Variants in ST6GALNAC2 observed in about 807,000 individuals in gnomAD.
The protein encoded by ST6GALNAC2 is ST6 N-acetylgalactosaminide alpha-2,6-sialyltransferase 2.
A neutral mutation model predicts 38.7 loss-of-function variants in ST6GALNAC2; 42 were observed. The ratio of observed to expected loss-of-function variants is 1.09; its 90% CI spans 0.85 to 1.40. The LOEUF (loss-of-function observed/expected upper bound fraction) is 1.40, where lower values mean the gene tolerates loss of function less well. ST6GALNAC2 is among the 40% of genes most tolerant of loss of function. ST6GALNAC2 has a pLI of 0.00. For missense variants in ST6GALNAC2, 506 were observed against 481.7 expected (o/e 1.05, Z -0.47); for synonymous variants, 233 against 209.0 (o/e 1.11, Z -0.99).
rs2075266769 is a variant in ST6GALNAC2 at position 76,565,452 on chromosome 17, T to TC, written c.*651dup. On this transcript the variant is annotated 3_prime_UTR_variant, in exon 9 of 9. Transcript: ENST00000225276. ...GTGGTGATACATCTCTAATGGGACT[T>TC]CCCTCAGTGGCAGGCAGGCTGCCAA... The TC allele has an allele frequency of 7.4e-6, 1 of 134,658 alleles. No individual in the cohort carries two copies. Among genetic ancestry groups the TC allele is most frequent in the Non-Finnish European group, 1.7e-5 (1 of 60,038 alleles). 8.3% of individuals were successfully genotyped at this position (134,658 alleles called of 1,614,324 possible).
chr17:76,581,285 C>T (rs565827106), intron 1 of ST6GALNAC2, among the ~76,000 whole-genome samples: 5 of 152,118 alleles, frequency 3.3e-5, no homozygotes, highest in Admixed American at 6.5e-5. Context: ...CACAATATGA[C>T]CCCCTCTGGG....
chr17:76,565,933 G>T lies in ST6GALNAC2; in HGVS notation c.*171C>A. On this transcript the variant is annotated 3_prime_UTR_variant, in exon 9 of 9. Transcript: ENST00000225276. ...CAGAAGAGTTCTTGGATGAGCCAAG[G>T]ACAAGCTGGGGTGTCCTATATTGAA... 1 of 637,860 alleles carries T rather than the reference G, an allele frequency of 1.6e-6. No homozygotes were observed. The allele number at this position is 637,860 out of a possible 1,614,324, so 39.5% of individuals were successfully genotyped here.
chr17:76,569,443 G>T, intron 6 of ST6GALNAC2: 1 of 383,538 alleles, frequency 2.6e-6, no homozygotes, highest in Non-Finnish European at 4.6e-6. Context: ...TTGGACCTGA[G>T]GACTGGGGTT....
At position 76,585,838 on chromosome 17, in the gene ST6GALNAC2, CT is replaced by C. The variant is rs761977161; in HGVS notation, c.-31del. On this transcript the variant is annotated 5_prime_UTR_variant, in exon 1 of 9. Transcript: ENST00000225276. ...CCCCGGCCCGCGAGCGCCCCGTCCGCTGACGTCCCAGGCAGAAGGGAGAGAA... is the reference window on the plus strand; with the variant it reads ...CCCCGGCCCGCGAGCGCCCCGTCCGCGACGTCCCAGGCAGAAGGGAGAGAA... 2 of 1,517,170 alleles carry C rather than the reference CT, an allele frequency of 1.3e-6. No individual in the cohort carries two copies. Among genetic ancestry groups the C allele is most frequent in the South Asian group, 2.4e-5 (2 of 81,650 alleles). The allele number at this position is 1,517,170 out of a possible 1,614,324, so 94.0% of individuals were successfully genotyped here. A position where few individuals can be genotyped will look rare whatever the true frequency, so the allele number is the denominator to read the frequency against.
intron 2 of ST6GALNAC2, among the ~76,000 whole-genome samples, 168 bp from the exon 3 acceptor site, chr17:76,574,707 C>T (rs1227693411): frequency 2.6e-5 from 4 of 151,294 alleles, no homozygotes; most frequent in Non-Finnish European, 4.4e-5. Flanking sequence ...GACAGAGTCT[C>T]GCTCTGTCGC....
At position 76,582,164 on chromosome 17, in the gene ST6GALNAC2, CTTTTTTTTTTTT is replaced by C. The variant is rs71158025; in HGVS notation, c.126-3360_126-3349del. Among the ~76,000 whole-genome samples the C allele has an allele frequency of 6.4e-5, 4 of 62,046 alleles. No homozygotes were observed. In the East Asian group the frequency reaches 1.5e-3, roughly 24 times the overall value. 40.7% of individuals were successfully genotyped at this position (62,046 alleles called of 152,430 possible). ...ACAAGCGTGAGCCACCGTGCCCAGC[CTTTTTTTTTTTT>C]TTTTTTTTTTTTTGAGACAGGGTCT... On this transcript the variant is annotated intron_variant, in intron 1 of 8. Transcript: ENST00000225276.
intron 7 of ST6GALNAC2, chr17:76,568,445 C>T: frequency 2.1e-6 from 1 of 478,472 alleles, no homozygotes; most frequent in Non-Finnish European, 3.8e-6. Flanking sequence ...GTCCCAGCTC[C>T]CAGTCTGTGC....
intron 5 of ST6GALNAC2, chr17:76,571,242 C>T (rs952367031): frequency 6.5e-6 from 1 of 153,636 alleles, no homozygotes; most frequent in African/African-American, 2.4e-5. Flanking sequence ...TTAAAGCCAC[C>T]AAGTTTTGAG....
chr17:76,585,818 G>T lies in ST6GALNAC2; in HGVS notation c.-10C>A. On this transcript the variant is annotated 5_prime_UTR_variant, in exon 1 of 9. Transcript: ENST00000225276. Reference sequence around the variant, plus strand: ...CGCGCGGGAGCCCCATACAGCCCCGGCCCGCGAGCGCCCCGTCCGCTGACG... The same window carrying T: ...CGCGCGGGAGCCCCATACAGCCCCGTCCCGCGAGCGCCCCGTCCGCTGACG... 1 of 1,531,360 alleles carries T rather than the reference G, an allele frequency of 6.5e-7. No individual in the cohort carries two copies. Among genetic ancestry groups the T allele is most frequent in the Non-Finnish European group, 8.8e-7 (1 of 1,141,822 alleles). 94.9% of individuals were successfully genotyped at this position (1,531,360 alleles called of 1,614,324 possible). A position where few individuals can be genotyped will look rare whatever the true frequency, so the allele number is the denominator to read the frequency against.
intron 2 of ST6GALNAC2, among the ~76,000 whole-genome samples, chr17:76,575,006 C>T (rs1226025223): frequency 2.0e-5 from 3 of 152,122 alleles, no homozygotes; most frequent in African/African-American, 7.2e-5. Context: ...GAGCTGGCAG[C>T]TAGGGGGTCT....
intron 2 of ST6GALNAC2, among the ~76,000 whole-genome samples, chr17:76,577,234 T>C (rs984008142): frequency 1.3e-5 from 2 of 151,152 alleles, no homozygotes; most frequent in Non-Finnish European, 2.9e-5. Flanking sequence ...GCCTGGCTAA[T>C]TTTTTGTATT....
chr17:76,572,726 T>C lies in ST6GALNAC2; in HGVS notation c.580A>G (p.Thr194Ala). The C allele has an allele frequency of 1.2e-6, 2 of 1,614,106 alleles. No individual in the cohort carries two copies. Among genetic ancestry groups the C allele is most frequent in the East Asian group, 2.2e-5 (1 of 44,874 alleles). Residue 194 changes from threonine to alanine, a missense_variant, in exon 5 of 9, where the codon ACT (threonine) becomes GCT (alanine). Coordinates refer to ENST00000225276, the MANE Select transcript of ST6GALNAC2 (RefSeq NM_006456.3). Reference sequence around the variant, plus strand: ...TTCACAGTGAAACCATAGAAGGAAGTCTTGGTGCCCACATCGCGCTCGAAG... The same window carrying C: ...TTCACAGTGAAACCATAGAAGGAAGCCTTGGTGCCCACATCGCGCTCGAAG... ...KGFERDVGTK[T>A]SFYGFTVNTM...
At position 76,573,464 on chromosome 17, in the gene ST6GALNAC2, G is replaced by A; in HGVS notation, c.362-101C>T. 2 of 1,183,222 alleles carry A rather than the reference G, an allele frequency of 1.7e-6. No homozygotes were observed. The highest frequency in any genetic ancestry group is 2.3e-6 in the Non-Finnish European group (2 of 880,628). The allele number at this position is 1,183,222 out of a possible 1,614,324, so 73.3% of individuals were successfully genotyped here. On this transcript the variant is annotated intron_variant, in intron 3 of 8. Coordinates refer to ENST00000225276, the MANE Select transcript of ST6GALNAC2 (RefSeq NM_006456.3). The surrounding 1 kb of genome is among the most constrained non-coding windows in gnomAD (Gnocchi z 5.1). ...TGGTGCCCCATCTCCCCTGAGGCCT[G>A]ACCCTAGCCCCTCCCAAGAAGCACA...
At chr17:76,577,143 T>C (rs2075427347) in intron 2 of ST6GALNAC2, among the ~76,000 whole-genome samples, 2 of 148,478 alleles carry the variant, frequency 1.3e-5, no homozygotes, top group African/African-American at 5.0e-5. Flanking sequence ...CTCAGCTAAC[T>C]GCAACCTCCA....
intron 2 of ST6GALNAC2, among the ~76,000 whole-genome samples, chr17:76,578,369 G>A (rs2075441061): frequency 6.6e-6 from 1 of 152,174 alleles, no homozygotes; most frequent in African/African-American, 2.4e-5. Context: ...AACCTTCTGG[G>A]CAAGCAAGGG....
In ST6GALNAC2 at chr17:76,566,263, G is replaced by A. The variant is rs767040055; in HGVS notation, c.966C>T (p.Ala322=). The A allele has an allele frequency of 6.2e-7, 1 of 1,614,134 alleles. No homozygotes were observed. Among genetic ancestry groups the A allele is most frequent in the South Asian group, 1.1e-5 (1 of 91,076 alleles). Residue 322 remains alanine, a synonymous_variant, in exon 9 of 9, where the codon GCC becomes GCT. Transcript: ENST00000225276. ...TALHTCDQVS[A]YGFITSNYWK... is the part of the protein sequence containing the mutation. ...AGTAGTTGCTTGTGATGAATCCATA[G>A]GCACTGACCTGGGCAAGGATAGTCG...
chr17:76,571,423 A>G (rs2075352822), intron 5 of ST6GALNAC2, among the ~76,000 whole-genome samples: 1 of 152,116 alleles, frequency 6.6e-6, no homozygotes, highest in South Asian at 2.1e-4. Context: ...GTGAAACCCC[A>G]TCTCCACTAA....
At chr17:76,570,498 A>G in intron 6 of ST6GALNAC2, 67 bp downstream of exon 6, 1 of 1,163,774 alleles carries the variant, frequency 8.6e-7, no homozygotes, top group South Asian at 1.3e-5. Flanking sequence ...TGGGAGCAAA[A>G]AGGAGATAAC....
chr17:76,583,541 C>A (rs2075504991), intron 1 of ST6GALNAC2, among the ~76,000 whole-genome samples: 1 of 151,016 alleles, frequency 6.6e-6, no homozygotes, highest in Admixed American at 6.6e-5. Context: ...AAAAGGAATT[C>A]ATTTCTTACA....
Sources: gnomAD v4.1 joint callset for allele counts (sites outside exome capture counted in the v4.1 genomes callset) on GRCh38, gnomAD v4.1.1 for gene constraint, Gnocchi (gnomAD v3.1) non-coding constraint, MANE v1.5 for transcripts, NCBI Gene and HGNC (gene_info 2026-07-23, HGNC 2026-07-21) for gene names.